The following SCHIP1 variants were observed in gnomAD, a reference collection of about 807,000 sequenced individuals.
SCHIP1 encodes the protein schwannomin interacting protein 1.
SCHIP1 carries 8 observed loss-of-function variants against 29.7 expected under a neutral mutation model. The observed-to-expected ratio is 0.27, with a 90% CI of 0.16 to 0.49. SCHIP1 has a LOEUF of 0.49. Among genes scored for constraint, SCHIP1 ranks in the 20% least tolerant of loss-of-function variants. The probability of loss-of-function intolerance (pLI) is 0.99; values close to 1 mark genes in which losing one functional copy is unlikely to be tolerated. For missense variants in SCHIP1, 193 were observed against 294.6 expected, an observed-to-expected ratio of 0.66 and a Z score of 2.52; for synonymous variants, 76 against 94.9, an observed-to-expected ratio of 0.80 and a Z score of 1.16.
At chr3:159,606,610 G>A in the SCHIP1 span, among the ~76,000 whole-genome samples, 1 of 152,164 alleles carries the variant, frequency 6.6e-6, no homozygotes, top group Non-Finnish European at 1.5e-5. Context: ...GGAATAAGAA[G>A]GATGGCAGGA....
chr3:159,468,529 A>G, the SCHIP1 span, among the ~76,000 whole-genome samples: 1 of 151,830 alleles, frequency 6.6e-6, no homozygotes, highest in Non-Finnish European at 1.5e-5. Flanking sequence ...AGATAAGCAC[A>G]TATTTAATCC....
At chr3:159,336,604 A>G in the SCHIP1 span, among the ~76,000 whole-genome samples, 1 of 152,018 alleles carries the variant, frequency 6.6e-6, no homozygotes, top group African/African-American at 2.4e-5. Context: ...ATAGGGAATC[A>G]TTTCCCCATT....
the SCHIP1 span, among the ~76,000 whole-genome samples, chr3:159,628,760 T>A: frequency 1.3e-5 from 2 of 151,958 alleles, no homozygotes; most frequent in African/African-American, 4.8e-5. Context: ...TAAAACAATA[T>A]AAAAAATAAC....
At chr3:159,650,624 G>C in the SCHIP1 span, among the ~76,000 whole-genome samples, 1 of 152,274 alleles carries the variant, frequency 6.6e-6, no homozygotes, top group African/African-American at 2.4e-5. Context: ...CAAAGTGCTA[G>C]TGCATAGGAA....
the SCHIP1 span, among the ~76,000 whole-genome samples, chr3:159,802,105 A>G: frequency 6.6e-6 from 1 of 152,210 alleles, no homozygotes; most frequent in Non-Finnish European, 1.5e-5. Context: ...CCAATAAAAA[A>G]CAAAAGAACA....
chr3:159,833,768 A>G, the SCHIP1 span, among the ~76,000 whole-genome samples: 1 of 152,202 alleles, frequency 6.6e-6, no homozygotes, highest in African/African-American at 2.4e-5. Context: ...TTTTATGATG[A>G]AAATTTAAAC....
At chr3:159,574,920 G>A in the SCHIP1 span, among the ~76,000 whole-genome samples, 2 of 152,232 alleles carry the variant, frequency 1.3e-5, no homozygotes, top group East Asian at 1.9e-4. Context: ...ACAGGCATAG[G>A]AGAACATCTC....
the SCHIP1 span, among the ~76,000 whole-genome samples, chr3:159,606,973 C>T: frequency 6.6e-6 from 1 of 152,198 alleles, no homozygotes; most frequent in Non-Finnish European, 1.5e-5. Context: ...AGAAGACTCA[C>T]ACAAAACAAA....
At chr3:159,568,262 T>C in the SCHIP1 span, among the ~76,000 whole-genome samples, 2 of 152,132 alleles carry the variant, frequency 1.3e-5, no homozygotes, top group African/African-American at 4.8e-5. Context: ...CATTTCTTCC[T>C]TTGTGATGCA....
At chr3:159,443,064 A>T in the SCHIP1 span, among the ~76,000 whole-genome samples, 1 of 152,216 alleles carries the variant, frequency 6.6e-6, no homozygotes, top group Non-Finnish European at 1.5e-5. Context: ...GAGCTGAGGG[A>T]GTTGGTTGGA....
chr3:159,584,072 A>T, the SCHIP1 span, among the ~76,000 whole-genome samples: 1 of 152,106 alleles, frequency 6.6e-6, no homozygotes. Context: ...TAGCTTTCAC[A>T]TTTCCCTCTT....
At chr3:159,467,860 G>A in the SCHIP1 span, among the ~76,000 whole-genome samples, 16 of 152,062 alleles carry the variant, frequency 1.1e-4, no homozygotes, top group African/African-American at 3.4e-4. Context: ...CTTGTAGAGA[G>A]GACCTGTGAA....
the SCHIP1 span, chr3:159,764,663 A>C: frequency 6.3e-7 from 1 of 1,597,032 alleles, no homozygotes; most frequent in African/African-American, 1.3e-5. The surrounding 1 kb of genome is among the most constrained non-coding windows in gnomAD (Gnocchi z 6.1). Context: ...TGGGCGCCGG[A>C]GGAGGACGGG....
chr3:159,883,655 C>T (rs1360524607), intron 2 of SCHIP1, among the ~76,000 whole-genome samples: 1 of 152,114 alleles, frequency 6.6e-6, no homozygotes, highest in Non-Finnish European at 1.5e-5. Context: ...CCCTCTGAAC[C>T]ATTAGCTGTT....
chr3:159,764,974 G>T, the SCHIP1 span: 23 of 1,498,106 alleles, frequency 1.5e-5, no homozygotes, highest in Non-Finnish European at 1.7e-5. This position sits in a 1 kb window ranked among gnomAD's most constrained non-coding sequence, Gnocchi z 6.1. Flanking sequence ...CGGCCCGGCG[G>T]CTGGGGGGCT....
the SCHIP1 span, among the ~76,000 whole-genome samples, chr3:159,350,729 A>G: frequency 1.3e-5 from 2 of 152,190 alleles, no homozygotes; most frequent in Non-Finnish European, 2.9e-5. Context: ...GGTATCCATC[A>G]TCTCACATAG....
chr3:159,294,944 A>G, the SCHIP1 span, among the ~76,000 whole-genome samples: 1 of 152,100 alleles, frequency 6.6e-6, no homozygotes, highest in African/African-American at 2.4e-5. Flanking sequence ...TCAGATCATT[A>G]CCCGAAAGGG....
At chr3:159,609,721 G>T in the SCHIP1 span, among the ~76,000 whole-genome samples, 1 of 151,936 alleles carries the variant, frequency 6.6e-6, no homozygotes, top group African/African-American at 2.4e-5. Flanking sequence ...GTTGCCCTAC[G>T]AGCCCTGGAC....
chr3:159,732,865 AGAAAGTACAT>A, the SCHIP1 span, among the ~76,000 whole-genome samples: 1 of 152,202 alleles, frequency 6.6e-6, no homozygotes, highest in Non-Finnish European at 1.5e-5. Context: ...ACTGCAGAGG[AGAAAGTACAT>A]GAATGTTTGG....
Sources: allele counts gnomAD v4.1 joint callset (sites outside exome capture counted in the v4.1 genomes callset), GRCh38; gene constraint gnomAD v4.1.1; non-coding constraint Gnocchi (gnomAD v3.1); transcripts MANE v1.5; gene names NCBI Gene and HGNC (gene_info 2026-07-23, HGNC 2026-07-21).